Variants in GPM6B observed in about 807,000 individuals in gnomAD.
GPM6B encodes neuronal membrane glycoprotein M6-b.
A neutral mutation model predicts 27.2 loss-of-function variants in GPM6B; 4 were observed. The observed-to-expected ratio is 0.15, with a 90% CI of 0.07 to 0.34. The LOEUF (loss-of-function observed/expected upper bound fraction) is 0.34, where lower values mean the gene tolerates loss of function less well. Ranked by LOEUF, GPM6B falls within the 10% of genes least tolerant of loss-of-function variation. The probability of loss-of-function intolerance (pLI) is 1.00; values close to 1 mark genes in which losing one functional copy is unlikely to be tolerated. For missense variants in GPM6B, 183 were observed against 261.9 expected (o/e 0.70, Z 2.08); for synonymous variants, 124 against 103.1 (o/e 1.20, Z -1.23).
chrX:13,840,439 C>T (rs1245555643), intron 1 of GPM6B, among the ~76,000 whole-genome samples: 2 of 111,703 alleles, frequency 1.8e-5, no homozygotes, highest in Non-Finnish European at 1.9e-5. Flanking sequence ...CCTGACATTT[C>T]CTGGTGTCCC....
intron 1 of GPM6B, among the ~76,000 whole-genome samples, chrX:13,937,512 T>G (rs907324154): frequency 4.1e-4 from 46 of 111,832 alleles, no homozygotes; most frequent in Middle Eastern, 4.7e-3. Context: ...TCGTTAGGAA[T>G]GCTCTTCACA....
upstream of GPM6B, among the ~76,000 whole-genome samples, chrX:13,820,209 G>A (rs2049292444): frequency 9.0e-6 from 1 of 111,428 alleles, no homozygotes; most frequent in Non-Finnish European, 1.9e-5. Flanking sequence ...CTAGTCAGGA[G>A]TCTCCTGCAA....
intron 2 of GPM6B, among the ~76,000 whole-genome samples, chrX:13,793,412 C>A (rs996209748): frequency 4.5e-5 from 5 of 111,271 alleles, no homozygotes; most frequent in African/African-American, 1.6e-4. Flanking sequence ...ACCTTAGGCA[C>A]ATGTTATTAG....
chrX:13,901,007 T>C, intron 1 of GPM6B, among the ~76,000 whole-genome samples: 1 of 112,176 alleles, frequency 8.9e-6, no homozygotes, highest in African/African-American at 3.2e-5. Context: ...ACTTGCAATG[T>C]CCCTTTGCCT....
At chrX:13,846,628 CTA>C (rs1203410229) in intron 1 of GPM6B, among the ~76,000 whole-genome samples, 3 of 108,707 alleles carry the variant, frequency 2.8e-5, no homozygotes. Flanking sequence ...GTAGCTGGTA[CTA>C]CAGGCGCCCG....
chrX:13,890,415 T>G (rs2050177970), intron 1 of GPM6B, among the ~76,000 whole-genome samples: 1 of 111,950 alleles, frequency 8.9e-6, no homozygotes, highest in African/African-American at 3.2e-5. Context: ...TTAATAAACT[T>G]GCTTTCACTT....
At chrX:13,832,932 A>G (rs2049454484) in intron 1 of GPM6B, among the ~76,000 whole-genome samples, 1 of 112,129 alleles carries the variant, frequency 8.9e-6, no homozygotes, top group Non-Finnish European at 1.9e-5. Context: ...TTTTCATAGC[A>G]CAGAATCTGC....
intron 1 of GPM6B, among the ~76,000 whole-genome samples, chrX:13,917,443 C>T (rs771660548): frequency 8.9e-6 from 1 of 112,120 alleles, no homozygotes; most frequent in South Asian, 3.7e-4. Context: ...ATTATGAACA[C>T]AGGTTTTTAC....
At chrX:13,883,871 A>T (rs936201552) in intron 1 of GPM6B, among the ~76,000 whole-genome samples, 1 of 109,999 alleles carries the variant, frequency 9.1e-6, no homozygotes, top group Non-Finnish European at 1.9e-5. Flanking sequence ...AAAAAATTTT[A>T]AACATATTGT....
intron 1 of GPM6B, among the ~76,000 whole-genome samples, chrX:13,922,468 C>T (rs1920992009): frequency 8.9e-6 from 1 of 112,187 alleles, no homozygotes; most frequent in Admixed American, 9.4e-5. Flanking sequence ...CAATTTCTCC[C>T]CAGTCCTTGA....
intron 1 of GPM6B, among the ~76,000 whole-genome samples, chrX:13,892,430 C>T (rs769832411): frequency 1.2e-4 from 14 of 112,088 alleles, no homozygotes; most frequent in Non-Finnish European, 2.6e-4. Context: ...GCCACAATTA[C>T]TTTTGCACCA....
chrX:13,887,763 GTC>G (rs1170936618), intron 1 of GPM6B, among the ~76,000 whole-genome samples: 1 of 111,828 alleles, frequency 8.9e-6, no homozygotes, highest in Non-Finnish European at 1.9e-5. Flanking sequence ...GAGTTTCATA[GTC>G]TCTCACTAGG....
chrX:13,872,655 GAT>G (rs1460774377), intron 1 of GPM6B, among the ~76,000 whole-genome samples: 1 of 102,396 alleles, frequency 9.8e-6, no homozygotes, highest in Non-Finnish European at 2.0e-5. Context: ...GACCCAGCTG[GAT>G]ATAGAGTAAG....
intron 1 of GPM6B, among the ~76,000 whole-genome samples, chrX:13,935,051 T>A: frequency 8.9e-6 from 1 of 111,987 alleles, no homozygotes; most frequent in African/African-American, 3.2e-5. Context: ...AAAGAACTGC[T>A]CTAGACCAAA....
intron 1 of GPM6B, among the ~76,000 whole-genome samples, chrX:13,842,229 T>C (rs2147230616): frequency 8.9e-6 from 1 of 112,311 alleles, no homozygotes; most frequent in South Asian, 3.7e-4. Flanking sequence ...TAATAATTAC[T>C]AGAATATCTG....
intron 1 of GPM6B, among the ~76,000 whole-genome samples, chrX:13,811,852 T>C (rs2049136114): frequency 9.0e-6 from 1 of 111,110 alleles, no homozygotes; most frequent in Non-Finnish European, 1.9e-5. Context: ...CTCAGCTGGC[T>C]AAGGATCAAA....
At chrX:13,778,050 G>GTT (rs1450377975) in intron 5 of GPM6B, among the ~76,000 whole-genome samples, 2 of 76,467 alleles carry the variant, frequency 2.6e-5, no homozygotes, top group African/African-American at 9.6e-5. Flanking sequence ...AATCAAATTG[G>GTT]TTTGTTTTTT....
intron 2 of GPM6B, among the ~76,000 whole-genome samples, chrX:13,802,304 C>A (rs968842881): frequency 1.8e-5 from 2 of 110,370 alleles, no homozygotes; most frequent in Non-Finnish European, 3.8e-5. Flanking sequence ...AGCCCGAGAT[C>A]AACACTCAAT....
At chrX:13,908,660 A>G (rs2050350658) in intron 1 of GPM6B, among the ~76,000 whole-genome samples, 1 of 112,463 alleles carries the variant, frequency 8.9e-6, no homozygotes, top group Admixed American at 9.5e-5. Context: ...TTGTACTAAG[A>G]TTATGTAAGT....
Sources: gnomAD v4.1 joint callset for allele counts (sites outside exome capture counted in the v4.1 genomes callset) on GRCh38, gnomAD v4.1.1 for gene constraint, MANE v1.5 for transcripts, NCBI Gene and HGNC (gene_info 2026-07-23, HGNC 2026-07-21) for gene names.